The following SGCD variants were observed in gnomAD, a reference collection of about 807,000 sequenced individuals.
The protein encoded by SGCD is sarcoglycan delta, also known as delta-sarcoglycan.
SGCD carries 18 observed loss-of-function variants against 36.6 expected under a neutral mutation model. That is an observed-to-expected ratio of 0.49 (90% confidence interval 0.34 to 0.73). The LOEUF (loss-of-function observed/expected upper bound fraction) is 0.73, where lower values mean the gene tolerates loss of function less well. Ranked by LOEUF, SGCD falls within the 30% of genes least tolerant of loss-of-function variation. The probability of loss-of-function intolerance (pLI) is 0.01; values close to 1 mark genes in which losing one functional copy is unlikely to be tolerated. For synonymous variants in SGCD, 133 were observed against 130.6 expected, an observed-to-expected ratio of 1.02 and a Z score of -0.12; for missense variants, 387 against 346.7, an observed-to-expected ratio of 1.12 and a Z score of -0.92.
chr5:156,490,860 T>G (rs1483500103), intron 3 of SGCD, among the ~76,000 whole-genome samples: 1 of 151,944 alleles, frequency 6.6e-6, no homozygotes. Context: ...AGCAAGCGCA[T>G]TCAGTCAGGA....
At chr5:156,683,866 G>A (rs898938565) in intron 7 of SGCD, among the ~76,000 whole-genome samples, 1 of 152,148 alleles carries the variant, frequency 6.6e-6, no homozygotes, top group East Asian at 1.9e-4. Context: ...GACATCTAAT[G>A]GAATGACATA....
intron 2 of SGCD, among the ~76,000 whole-genome samples, chr5:156,340,359 A>G (rs1000983445): frequency 3.3e-5 from 5 of 152,164 alleles, no homozygotes; most frequent in Non-Finnish European, 1.5e-5. Context: ...TTTATATCGC[A>G]TCGTGTCCTT....
chr5:156,032,964 T>C (rs1470894563), intron 1 of SGCD, among the ~76,000 whole-genome samples: 1 of 151,582 alleles, frequency 6.6e-6, no homozygotes, highest in Non-Finnish European at 1.5e-5. Flanking sequence ...GTGATCCCAG[T>C]TACTCAGGAG....
chr5:156,373,440 G>A (rs1770496046), intron 3 of SGCD, among the ~76,000 whole-genome samples: 1 of 152,134 alleles, frequency 6.6e-6, no homozygotes, highest in Non-Finnish European at 1.5e-5. Context: ...GACCGCCCAA[G>A]GCTAACCTAT....
chr5:155,966,580 G>T (rs1344294529), intron 1 of SGCD, among the ~76,000 whole-genome samples: 3 of 152,098 alleles, frequency 2.0e-5, no homozygotes, highest in African/African-American at 7.2e-5. Flanking sequence ...TGAATCACCT[G>T]CCAGCATTTG....
At chr5:156,241,218 GCTAA>G (rs2127656125) in intron 3 of SGCD, among the ~76,000 whole-genome samples, 1 of 151,506 alleles carries the variant, frequency 6.6e-6, no homozygotes, top group South Asian at 2.1e-4. Flanking sequence ...TAAGTTCACA[GCTAA>G]CTAACTGGCC....
At chr5:155,737,944 C>G in the SGCD span, among the ~76,000 whole-genome samples, 1 of 151,972 alleles carries the variant, frequency 6.6e-6, no homozygotes, top group African/African-American at 2.4e-5. Flanking sequence ...TGTTGAGGGC[C>G]CTCTGGCTTT....
At chr5:156,376,396 G>A (rs1418607157) in intron 3 of SGCD, among the ~76,000 whole-genome samples, 2 of 152,202 alleles carry the variant, frequency 1.3e-5, no homozygotes, top group African/African-American at 4.8e-5. Flanking sequence ...GCTAACCCTG[G>A]TTGGGTAACT....
chr5:156,655,297 G>C lies in SGCD; in HGVS notation c.575+7761G>C, dbSNP rs113497048. 2.7e-3 allele frequency among the ~76,000 whole-genome samples: 405 copies of C among 152,166 alleles called. 3 individuals are homozygous for C. The highest frequency in any genetic ancestry group is 9.3e-3 in the African/African-American group (387 of 41,540). On this transcript the variant is annotated intron_variant, in intron 7 of 8. Coordinates refer to ENST00000337851, the MANE Select transcript of SGCD (RefSeq NM_000337.6). ...TTGTTTTCCTCAAACCTCTGTCTTGGCTGCTAGAGGTTTTCTGTTTGTTCT... is the reference window on the plus strand; with the variant it reads ...TTGTTTTCCTCAAACCTCTGTCTTGCCTGCTAGAGGTTTTCTGTTTGTTCT...
At chr5:156,263,379 G>T (rs756686956) in intron 3 of SGCD, among the ~76,000 whole-genome samples, 3 of 151,922 alleles carry the variant, frequency 2.0e-5, no homozygotes, top group Non-Finnish European at 2.9e-5. Flanking sequence ...TCATATGTTT[G>T]TTGGCCATTG....
intron 3 of SGCD, among the ~76,000 whole-genome samples, chr5:156,441,582 T>G (rs1753493494): frequency 6.6e-6 from 1 of 152,222 alleles, no homozygotes. Context: ...ATTTCTTCTC[T>G]ATTAGTGTGA....
At chr5:156,670,465 T>TC (rs771726889) in intron 7 of SGCD, among the ~76,000 whole-genome samples, 1 of 152,236 alleles carries the variant, frequency 6.6e-6, no homozygotes, top group Non-Finnish European at 1.5e-5. Context: ...TTCCTTTTTT[T>TC]CCCCTCAGTG....
chr5:155,931,134 C>T (rs944380215), intron 1 of SGCD, among the ~76,000 whole-genome samples: 4 of 152,008 alleles, frequency 2.6e-5, no homozygotes, highest in African/African-American at 9.7e-5. Context: ...AACCAAGTCA[C>T]AGAGAAGGTA....
intron 1 of SGCD, among the ~76,000 whole-genome samples, chr5:155,997,200 C>G (rs2127566727): frequency 6.6e-6 from 1 of 152,292 alleles, no homozygotes; most frequent in South Asian, 2.1e-4. Flanking sequence ...CAGGTAATAA[C>G]TAATTTTCAC....
At chr5:156,517,614 A>T (rs1039432238) in intron 4 of SGCD, among the ~76,000 whole-genome samples, 1 of 152,196 alleles carries the variant, frequency 6.6e-6, no homozygotes, top group Non-Finnish European at 1.5e-5. Context: ...GCCACCTAGC[A>T]AAAGAAGCCC....
the SGCD span, among the ~76,000 whole-genome samples, chr5:155,804,558 G>A: frequency 5.3e-5 from 8 of 152,318 alleles, no homozygotes; most frequent in Admixed American, 3.9e-4. Context: ...AGCTTCTCCA[G>A]GAAGTCATTC....
chr5:156,222,489 C>T (rs1223746103), intron 3 of SGCD, among the ~76,000 whole-genome samples: 1 of 151,978 alleles, frequency 6.6e-6, no homozygotes, highest in Non-Finnish European at 1.5e-5. Context: ...GGCGATTATA[C>T]TGTGTTTAGT....
At chr5:156,601,831 C>T (rs940878103) in intron 6 of SGCD, among the ~76,000 whole-genome samples, 4 of 151,998 alleles carry the variant, frequency 2.6e-5, no homozygotes, top group Non-Finnish European at 2.9e-5. Context: ...CTACAGGCGC[C>T]TGCCACCACG....
intron 4 of SGCD, among the ~76,000 whole-genome samples, chr5:156,585,386 A>G (rs1194032139): frequency 6.6e-6 from 1 of 152,226 alleles, no homozygotes; most frequent in Non-Finnish European, 1.5e-5. Context: ...AATAATAGAG[A>G]TATTTGATGC....
Sources: allele counts gnomAD v4.1 joint callset (sites outside exome capture counted in the v4.1 genomes callset), GRCh38; gene constraint gnomAD v4.1.1; transcripts MANE v1.5; gene names NCBI Gene and HGNC (gene_info 2026-07-23, HGNC 2026-07-21).